The following GPC5 variants were observed in gnomAD, a reference collection of about 807,000 sequenced individuals.
GPC5 encodes the protein glypican 5, also known as glypican-5.
A neutral mutation model predicts 53.9 loss-of-function variants in GPC5; 47 were observed. The ratio of observed to expected loss-of-function variants is 0.87; its 90% CI spans 0.69 to 1.11. The LOEUF is 1.11. GPC5 is among the 50% of genes most tolerant of loss of function. The pLI is 0.00. For synonymous variants in GPC5, 286 were observed against 263.3 expected (o/e 1.09, Z -0.84); for missense variants, 748 against 713.1 (o/e 1.05, Z -0.56).
intron 6 of GPC5, among the ~76,000 whole-genome samples, chr13:92,084,867 G>A (rs1476275716): frequency 3.3e-5 from 5 of 152,128 alleles, no homozygotes; most frequent in South Asian, 4.1e-4. Context: ...AAGAAAACAC[G>A]TTAGACAGGA....
intron 2 of GPC5, among the ~76,000 whole-genome samples, chr13:91,648,156 C>A (rs972327081): frequency 6.6e-6 from 1 of 152,208 alleles, no homozygotes; most frequent in Non-Finnish European, 1.5e-5. Context: ...ATACACAGTG[C>A]TATCCTGATT....
intron 7 of GPC5, among the ~76,000 whole-genome samples, chr13:92,642,513 G>A (rs1007340919): frequency 2.0e-5 from 3 of 152,162 alleles, no homozygotes; most frequent in Non-Finnish European, 4.4e-5. Flanking sequence ...TGAGCTCCCT[G>A]CTCCCTCAAC....
chr13:91,989,664 T>C (rs528922855), intron 6 of GPC5, among the ~76,000 whole-genome samples: 1 of 152,320 alleles, frequency 6.6e-6, no homozygotes, highest in South Asian at 2.1e-4. Flanking sequence ...CTCTCAGAAC[T>C]TTGAATCATA....
At chr13:92,603,854 C>T (rs1797922813) in intron 7 of GPC5, among the ~76,000 whole-genome samples, 1 of 152,094 alleles carries the variant, frequency 6.6e-6, no homozygotes, top group African/African-American at 2.4e-5. Flanking sequence ...ATCATGAGTT[C>T]TGGATGGCAG....
chr13:92,124,572 G>A (rs527770449), intron 6 of GPC5, among the ~76,000 whole-genome samples: 1 of 152,250 alleles, frequency 6.6e-6, no homozygotes, highest in East Asian at 1.9e-4. Flanking sequence ...GAAATTGAAT[G>A]GCTCATGGAT....
At chr13:91,818,853 T>G (rs2038442243) in intron 5 of GPC5, among the ~76,000 whole-genome samples, 1 of 152,198 alleles carries the variant, frequency 6.6e-6, no homozygotes, top group Non-Finnish European at 1.5e-5. Context: ...CTTGAATGAG[T>G]TGAGTCCGTC....
At chr13:91,482,451 AAGAT>A (rs1203676561) in intron 2 of GPC5, among the ~76,000 whole-genome samples, 1 of 152,178 alleles carries the variant, frequency 6.6e-6, no homozygotes, top group Non-Finnish European at 1.5e-5. Flanking sequence ...AAAATGGACT[AAGAT>A]AGAGGAGACA....
chr13:91,924,447 T>C (rs1342614731), intron 6 of GPC5, among the ~76,000 whole-genome samples: 1 of 151,990 alleles, frequency 6.6e-6, no homozygotes, highest in East Asian at 1.9e-4. Flanking sequence ...TGGCCTAGAG[T>C]GGTGGCTCCT....
intron 4 of GPC5, among the ~76,000 whole-genome samples, chr13:91,738,119 C>T (rs767518810): frequency 1.3e-5 from 2 of 151,384 alleles, no homozygotes; most frequent in South Asian, 2.1e-4. Flanking sequence ...AGGTAAACTT[C>T]GCACTGGTGA....
At chr13:92,028,355 G>T (rs1239797381) in intron 6 of GPC5, among the ~76,000 whole-genome samples, 1 of 152,014 alleles carries the variant, frequency 6.6e-6, no homozygotes, top group African/African-American at 2.4e-5. Context: ...CTTAGTAATT[G>T]GATTCAAATG....
intron 7 of GPC5, among the ~76,000 whole-genome samples, chr13:92,845,964 T>C (rs1878597829): frequency 6.6e-6 from 1 of 152,174 alleles, no homozygotes; most frequent in African/African-American, 2.4e-5. Flanking sequence ...CCATTTAAAA[T>C]GGCTCTAAGC....
intron 2 of GPC5, among the ~76,000 whole-genome samples, chr13:91,497,611 C>G (rs1358018463): frequency 1.3e-5 from 2 of 152,134 alleles, no homozygotes; most frequent in Non-Finnish European, 2.9e-5. Flanking sequence ...AACCTGTATC[C>G]TTTTCCATTT....
chr13:92,665,135 G>C (rs1448862712), intron 7 of GPC5, among the ~76,000 whole-genome samples: 11 of 152,102 alleles, frequency 7.2e-5, no homozygotes, highest in Non-Finnish European at 1.6e-4. Context: ...TGCCACTGGG[G>C]CTTGAAAATG....
chr13:91,941,432 C>G (rs1009969662), intron 6 of GPC5, among the ~76,000 whole-genome samples: 5 of 152,102 alleles, frequency 3.3e-5, no homozygotes, highest in African/African-American at 1.2e-4. Context: ...CTCTATCTCC[C>G]CCTTCCTAGC....
chr13:92,127,093 A>G (rs1415450756), intron 6 of GPC5, among the ~76,000 whole-genome samples: 1 of 152,048 alleles, frequency 6.6e-6, no homozygotes, highest in African/African-American at 2.4e-5. Context: ...ATTGAGAAAG[A>G]ATTATAATGG....
intron 7 of GPC5, among the ~76,000 whole-genome samples, chr13:92,214,831 G>A (rs534901581): frequency 6.6e-6 from 1 of 152,204 alleles, no homozygotes; most frequent in South Asian, 2.1e-4. Context: ...TCCTTACAAT[G>A]TGGGAGAGAG....
chr13:91,630,373 C>G (rs762855421), intron 2 of GPC5, among the ~76,000 whole-genome samples: 6 of 151,960 alleles, frequency 3.9e-5, no homozygotes, highest in African/African-American at 1.5e-4. Flanking sequence ...AATCAGGGCT[C>G]GACGGGCTCA....
At chr13:91,974,770 T>G (rs1418717039) in intron 6 of GPC5, among the ~76,000 whole-genome samples, 1 of 152,122 alleles carries the variant, frequency 6.6e-6, no homozygotes, top group African/African-American at 2.4e-5. Flanking sequence ...AAAAAACTAC[T>G]TTAAAGTTCA....
chr13:91,732,902 C>T (rs1354600127), intron 4 of GPC5, among the ~76,000 whole-genome samples: 1 of 152,024 alleles, frequency 6.6e-6, no homozygotes, highest in Non-Finnish European at 1.5e-5. Flanking sequence ...GGTACCAGTA[C>T]CATGTTGTTT....
Sources: gnomAD v4.1 joint callset for allele counts (sites outside exome capture counted in the v4.1 genomes callset) on GRCh38, gnomAD v4.1.1 for gene constraint, MANE v1.5 for transcripts, NCBI Gene and HGNC (gene_info 2026-07-23, HGNC 2026-07-21) for gene names.